The following SMO variants were observed in gnomAD, a reference collection of about 807,000 sequenced individuals.
SMO encodes protein smoothened.
A neutral mutation model predicts 81.6 loss-of-function variants in SMO; 40 were observed. The ratio of observed to expected loss-of-function variants is 0.49; its 90% CI spans 0.38 to 0.64. The LOEUF (loss-of-function observed/expected upper bound fraction) is 0.64, where lower values mean the gene tolerates loss of function less well. SMO is among the 30% of genes least tolerant of loss of function. The pLI is 0.00. For missense variants in SMO, 916 were observed against 1,061.1 expected (o/e 0.86, Z 1.90); for synonymous variants, 434 against 432.1 (o/e 1.00, Z -0.05).
At position 129,189,276 on chromosome 7, in the gene SMO, G is replaced by C; in HGVS notation, c.125G>C (p.Arg42Pro). Residue 42 changes from arginine (R) to proline (P), a missense_variant, in exon 1 of 12, where the codon CGG (arginine) becomes CCG (proline). Physicochemically the swap from Arg to Pro is moderately radical, Grantham distance 103. Around this residue, in one of 4 missense-constraint regions of SMO, gnomAD observed 146 missense variants for 149.9 expected, o/e 0.97. Coordinates refer to ENST00000249373, the MANE Select transcript of SMO (RefSeq NM_005631.5). The surrounding 1 kb of genome is among the most constrained non-coding windows in gnomAD (Gnocchi z 4.7). ...GGGAACGCGACCGGGCCTGGGCCTC[G>C]GAGCGCGGGCGGGAGCGCGAGGAGG... ...SSGNATGPGP[R>P]SAGGSARRSA... 1 of 1,389,546 alleles carries C rather than the reference G, an allele frequency of 7.2e-7. No individual in the cohort carries two copies. Among genetic ancestry groups the C allele is most frequent in the Middle Eastern group, 2.6e-4 (1 of 3,906 alleles). The allele number at this position is 1,389,546 out of a possible 1,614,324, so 86.1% of individuals were successfully genotyped here. A position where few individuals can be genotyped will look rare whatever the true frequency, so the allele number is the denominator to read the frequency against.
At position 129,206,670 on chromosome 7, in the gene SMO, C is replaced by T; in HGVS notation, c.1264+83C>T. ...CCAGTACTGGGAGCTGCCAGCACGG[C>T]TGCCCCCATGCTGAAACCCCAGCTA... On this transcript the variant is annotated intron_variant, in intron 6 of 11. Coordinates refer to ENST00000249373, the MANE Select transcript of SMO (RefSeq NM_005631.5). This position sits in a 1 kb window ranked among gnomAD's most constrained non-coding sequence, Gnocchi z 4.4. The T allele has an allele frequency of 6.7e-7, 1 of 1,486,736 alleles. No individual in the cohort carries two copies. Among genetic ancestry groups the T allele is most frequent in the Non-Finnish European group, 9.2e-7 (1 of 1,086,924 alleles). 92.1% of individuals were successfully genotyped at this position (1,486,736 alleles called of 1,614,324 possible). A position where few individuals can be genotyped will look rare whatever the true frequency, so the allele number is the denominator to read the frequency against.
chr7:129,211,971 G>A lies in SMO; in HGVS notation c.1937-53G>A, dbSNP rs1379005199. 1.3e-6 allele frequency: 2 copies of A among 1,510,204 alleles called. No individual in the cohort carries two copies. The highest frequency in any genetic ancestry group is 2.4e-5 in the East Asian group (1 of 42,458). The allele number at this position is 1,510,204 out of a possible 1,614,324, so 93.6% of individuals were successfully genotyped here. A position where few individuals can be genotyped will look rare whatever the true frequency, so the allele number is the denominator to read the frequency against. On this transcript the variant is annotated intron_variant, in intron 11 of 11. Transcript: ENST00000249373. This position sits in a 1 kb window ranked among gnomAD's most constrained non-coding sequence, Gnocchi z 4.6. ...GTTAAGTGCTCCCAGGGGAGCGGGG[G>A]TGGCATGGACAGAGCCAGGGCCCCA...
At chr7:129,193,363 A>T (rs944428187) in intron 1 of SMO, among the ~76,000 whole-genome samples, 2 of 152,098 alleles carry the variant, frequency 1.3e-5, no homozygotes, top group African/African-American at 4.8e-5. Context: ...GAGGGCTGAG[A>T]GGAGGAATGT....
intron 1 of SMO, among the ~76,000 whole-genome samples, chr7:129,202,506 T>C (rs1793687727): frequency 6.6e-6 from 1 of 152,196 alleles, no homozygotes; most frequent in Admixed American, 6.5e-5. Context: ...GCAGGGTTGA[T>C]TCAGGAAGGG....
At chr7:129,201,292 G>A (rs1233446232) in intron 1 of SMO, among the ~76,000 whole-genome samples, 5 of 151,948 alleles carry the variant, frequency 3.3e-5, no homozygotes, top group South Asian at 2.1e-4. Context: ...TGATCCACCC[G>A]CCTCGGCCTC....
chr7:129,210,508 A>AC lies in SMO; in HGVS notation c.1614dup (p.Lys539GlnfsTer19). ...CATCGCCATGAGCACCTGGGTCTGGACCAAGGCCACGCTGCTCATCTGGAG... is the reference window on the plus strand; with the variant it reads ...CATCGCCATGAGCACCTGGGTCTGGACCCAAGGCCACGCTGCTCATCTGGAG... On this transcript the variant is annotated frameshift_variant, in exon 9 of 12. Transcript: ENST00000249373. LOFTEE classifies it high-confidence loss of function. This position sits in a 1 kb window ranked among gnomAD's most constrained non-coding sequence, Gnocchi z 4.7. 6.2e-7 allele frequency: 1 copy of AC among 1,614,120 alleles called. No homozygotes were observed. Among genetic ancestry groups the AC allele is most frequent in the Non-Finnish European group, 8.5e-7 (1 of 1,180,008 alleles).
chr7:129,196,987 A>G (rs1017994105), intron 1 of SMO, among the ~76,000 whole-genome samples: 8 of 143,738 alleles, frequency 5.6e-5, no homozygotes, highest in Non-Finnish European at 1.0e-4. Context: ...ACTGCACTCC[A>G]GCCTGGGCAA....
chr7:129,208,998 G>A lies in SMO; in HGVS notation c.1357+147G>A. ...ACAAGGGGTGTGTGTAGGTGGTAGT[G>A]GTAGTGGCAGCTCAAAAGAAGGGGG... On this transcript the variant is annotated intron_variant, in intron 7 of 11. Transcript: ENST00000249373. This position sits in a 1 kb window ranked among gnomAD's most constrained non-coding sequence, Gnocchi z 5.2. 1 of 640,498 alleles carries A rather than the reference G, an allele frequency of 1.6e-6. No individual in the cohort carries two copies. The highest frequency in any genetic ancestry group is 1.8e-5 in the South Asian group (1 of 56,274). 39.7% of individuals were successfully genotyped at this position (640,498 alleles called of 1,614,324 possible). A position where few individuals can be genotyped will look rare whatever the true frequency, so the allele number is the denominator to read the frequency against.
rs1220373745 is a variant in SMO at position 129,210,647 on chromosome 7, T to C, written c.1652+99T>C. 6 of 992,266 alleles carry C rather than the reference T, an allele frequency of 6.0e-6. No individual in the cohort carries two copies. The highest frequency in any genetic ancestry group is 2.1e-5 in the Admixed American group (1 of 47,378). The allele number at this position is 992,266 out of a possible 1,614,324, so 61.5% of individuals were successfully genotyped here. A position where few individuals can be genotyped will look rare whatever the true frequency, so the allele number is the denominator to read the frequency against. ...TCGGGTCCTGCCTCTAGCACAGCCT[T>C]GGTCAGTGGTTCACCGCTGCCCCCT... On this transcript the variant is annotated intron_variant, in intron 9 of 11. Coordinates refer to ENST00000249373, the MANE Select transcript of SMO (RefSeq NM_005631.5). The surrounding 1 kb of genome is among the most constrained non-coding windows in gnomAD (Gnocchi z 4.7).
chr7:129,203,766 A>G (rs538686722), intron 2 of SMO, among the ~76,000 whole-genome samples, 177 bp downstream of exon 2: 12 of 152,312 alleles, frequency 7.9e-5, no homozygotes, highest in African/African-American at 2.6e-4. Flanking sequence ...GGATCCGTCT[A>G]TTAGGGATTC....
At chr7:129,193,510 G>A (rs545805870) in intron 1 of SMO, among the ~76,000 whole-genome samples, 23 of 151,814 alleles carry the variant, frequency 1.5e-4, no homozygotes, top group African/African-American at 4.8e-4. Context: ...TGCAATCCCA[G>A]CACTTTGGGA....
rs1026808356 is a variant in SMO, at chr7:129,210,718, C to T, written c.1652+170C>T. Among the ~76,000 whole-genome samples, 11 of 152,270 alleles carry T rather than the reference C, an allele frequency of 7.2e-5. No homozygotes were observed. Among genetic ancestry groups the T allele is most frequent in the African/African-American group, 2.4e-4 (10 of 41,480 alleles). Reference sequence around the variant, plus strand: ...GGTGGCCTGATGCCTGGGCCTGGGCCTGGGCCAAGGGCAGAGCCAGCTGCC... The same window carrying T: ...GGTGGCCTGATGCCTGGGCCTGGGCTTGGGCCAAGGGCAGAGCCAGCTGCC... On this transcript the variant is annotated intron_variant, in intron 9 of 11. Transcript: ENST00000249373. The surrounding 1 kb of genome is among the most constrained non-coding windows in gnomAD (Gnocchi z 4.7).
intron 1 of SMO, 63 bp from the exon 2 acceptor site, chr7:129,203,321 G>GACCC (rs1793699674): frequency 7.9e-7 from 1 of 1,273,104 alleles, no homozygotes; most frequent in Admixed American, 2.0e-5. Flanking sequence ...GGACAGGGGT[G>GACCC]AAGCTGCGTC....
chr7:129,197,068 C>T (rs951410810), intron 1 of SMO, among the ~76,000 whole-genome samples: 2 of 149,814 alleles, frequency 1.3e-5, no homozygotes, highest in Non-Finnish European at 3.0e-5. Context: ...ATTTATTTCA[C>T]TTTGTTGCTG....
chr7:129,189,253 G>A lies in SMO; in HGVS notation c.102G>A (p.Gly34=), dbSNP rs1793444963. The change falls in exon 1 of 12, where the codon GGG becomes GGA. Residue 34 remains glycine (G), a synonymous_variant. Coordinates refer to ENST00000249373, the MANE Select transcript of SMO (RefSeq NM_005631.5). The surrounding 1 kb of genome is among the most constrained non-coding windows in gnomAD (Gnocchi z 4.7). ...CGGGCCGGGGGGCGGCCTCGAGCGGGAACGCGACCGGGCCTGGGCCTCGGA... is the reference window on the plus strand; with the variant it reads ...CGGGCCGGGGGGCGGCCTCGAGCGGAAACGCGACCGGGCCTGGGCCTCGGA... ...GDPGRGAASS[G]NATGPGPRSA... is the part of the protein sequence containing the mutation. The A allele has an allele frequency of 8.1e-7, 1 of 1,233,316 alleles. No individual in the cohort carries two copies. Among genetic ancestry groups the A allele is most frequent in the Non-Finnish European group, 1.0e-6 (1 of 985,962 alleles). The allele number at this position is 1,233,316 out of a possible 1,614,324, so 76.4% of individuals were successfully genotyped here. A position where few individuals can be genotyped will look rare whatever the true frequency, so the allele number is the denominator to read the frequency against.
intron 1 of SMO, among the ~76,000 whole-genome samples, chr7:129,195,087 C>T (rs1371002890): frequency 6.6e-6 from 1 of 152,206 alleles, no homozygotes; most frequent in Non-Finnish European, 1.5e-5. Context: ...TATGAGTATA[C>T]CCCCAGTTGT....
At chr7:129,196,310 G>T (rs75956417) in intron 1 of SMO, among the ~76,000 whole-genome samples, 1 of 139,598 alleles carries the variant, frequency 7.2e-6, no homozygotes, top group East Asian at 2.1e-4. Flanking sequence ...CTAGTAGAGA[G>T]TCTGAGCTAT....
chr7:129,212,133 G>T lies in SMO; in HGVS notation c.2046G>T (p.Val682=). The T allele has an allele frequency of 6.4e-7, 1 of 1,561,980 alleles. No individual in the cohort carries two copies. The change falls in exon 12 of 12, where the codon GTG becomes GTT. Residue 682 remains valine (V), a synonymous_variant. Coordinates refer to ENST00000249373, the MANE Select transcript of SMO (RefSeq NM_005631.5). The surrounding 1 kb of genome is among the most constrained non-coding windows in gnomAD (Gnocchi z 5.0). ...AGAGGAGGAAGAGGAAGAAGGAGGT[G>T]TGCCCGCTGGCGCCGCCCCCTGAGC... ...KKKRRKRKKE[V]CPLAPPPELH...
At chr7:129,197,950 T>C (rs1371250135) in intron 1 of SMO, among the ~76,000 whole-genome samples, 4 of 152,188 alleles carry the variant, frequency 2.6e-5, no homozygotes, top group African/African-American at 9.6e-5. Flanking sequence ...TCTTTTTGTT[T>C]CATATTTTAT....
Sources: allele counts gnomAD v4.1 joint callset (sites outside exome capture counted in the v4.1 genomes callset), GRCh38; gene constraint gnomAD v4.1.1; regional missense constraint gnomAD v4.1.1; non-coding constraint Gnocchi (gnomAD v3.1); transcripts MANE v1.5; gene names NCBI Gene and HGNC (gene_info 2026-07-23, HGNC 2026-07-21).